The following HDGFL2 variants were observed in gnomAD, a reference collection of about 807,000 sequenced individuals.
HDGFL2 encodes hepatoma-derived growth factor-related protein 2.
In HDGFL2, 36 loss-of-function variants were observed where a neutral mutation model predicts 77.1. The ratio of observed to expected loss-of-function variants is 0.47; its 90% confidence interval spans 0.36 to 0.62. The LOEUF is 0.62. Among genes scored for constraint, HDGFL2 ranks in the 20% least tolerant of loss-of-function variants. The pLI is 0.00. For missense variants in HDGFL2, 976 were observed against 973.4 expected (o/e 1.00, Z -0.04); for synonymous variants, 463 against 413.1 (o/e 1.12, Z -1.46).
In HDGFL2 at chr19:4,502,077, GAGAGC is replaced by G. The variant is rs571731382; in HGVS notation, c.*77_*81del. On this transcript the variant is annotated 3_prime_UTR_variant, in exon 16 of 16. Coordinates refer to ENST00000616600, the MANE Select transcript of HDGFL2 (RefSeq NM_001001520.3). Reference sequence around the variant, plus strand: ...GCCCCTCTCCTTCCCCGGCTCGCAGGAGAGCAGAGCAGAGAACTGTGGGGAACGCT... The same window carrying G: ...GCCCCTCTCCTTCCCCGGCTCGCAGGAGAGCAGAGAACTGTGGGGAACGCT... The G allele has an allele frequency of 9.6e-6, 11 of 1,148,894 alleles. No homozygotes were observed. Among genetic ancestry groups the G allele is most frequent in the Admixed American group, 4.0e-5 (2 of 49,948 alleles). The allele number at this position is 1,148,894 out of a possible 1,614,324, so 71.2% of individuals were successfully genotyped here. A position where few individuals can be genotyped will look rare whatever the true frequency, so the allele number is the denominator to read the frequency against.
At chr19:4,478,057 G>A (rs1389516900) in intron 3 of HDGFL2, among the ~76,000 whole-genome samples, 12 of 141,760 alleles carry the variant, frequency 8.5e-5, no homozygotes, top group Admixed American at 1.5e-4. Context: ...TCCAGCCTGG[G>A]CAACAGAACG....
chr19:4,493,073 T>G (rs1975578742), intron 6 of HDGFL2, among the ~76,000 whole-genome samples: 2 of 76,002 alleles, frequency 2.6e-5, no homozygotes, highest in African/African-American at 6.4e-5. Context: ...TGTCTGTGTG[T>G]GGTGTGTGTG....
intron 4 of HDGFL2, among the ~76,000 whole-genome samples, chr19:4,489,656 C>T (rs1463367515): frequency 3.3e-5 from 5 of 151,624 alleles, no homozygotes; most frequent in African/African-American, 9.7e-5. Flanking sequence ...CCCGCTTCGG[C>T]CTCCCAAAGT....
intron 15 of HDGFL2, 149 bp downstream of exon 15, chr19:4,501,466 C>T (rs1481713249): frequency 3.3e-6 from 3 of 914,058 alleles, no homozygotes; most frequent in Non-Finnish European, 4.6e-6. Flanking sequence ...TCACAGCTGA[C>T]CCCAGGGCCC....
chr19:4,492,743 T>TGTC (rs574157375), intron 6 of HDGFL2, among the ~76,000 whole-genome samples: 11,548 of 142,756 alleles, frequency 0.081, 478 homozygotes, highest in African/African-American at 0.13. Flanking sequence ...GTATGTGTGT[T>TGTC]GGGTGTTTGT....
At chr19:4,501,857 AGGCAG>A in intron 15 of HDGFL2, 49 bp from the exon 16 acceptor site, 4 of 1,312,352 alleles carry the variant, frequency 3.0e-6, no homozygotes, top group Middle Eastern at 2.8e-4. Flanking sequence ...ACCGCCCTAC[AGGCAG>A]GGCAGGGGCG....
intron 6 of HDGFL2, among the ~76,000 whole-genome samples, chr19:4,492,377 G>A (rs1275874602): frequency 6.6e-6 from 1 of 151,720 alleles, no homozygotes; most frequent in Non-Finnish European, 1.5e-5. Flanking sequence ...CCCTGTGCCT[G>A]TATGCCTGTG....
chr19:4,487,401 C>T (rs1328040101), intron 3 of HDGFL2, among the ~76,000 whole-genome samples: 4 of 152,134 alleles, frequency 2.6e-5, no homozygotes, highest in Non-Finnish European at 5.9e-5. Flanking sequence ...GGACCGCAGG[C>T]CCACACCGCC....
intron 3 of HDGFL2, among the ~76,000 whole-genome samples, chr19:4,484,383 C>T (rs1383534637): frequency 2.0e-5 from 3 of 152,136 alleles, no homozygotes; most frequent in East Asian, 3.9e-4. Flanking sequence ...CACGCCCGGC[C>T]TGTTTTATTA....
In HDGFL2 at chr19:4,494,479, A is replaced by AGCCGGGAGGGC. The variant is rs1975648794; in HGVS notation, c.1224+13_1224+23dup. ...CGAGGCCGAGCTGGAGAGAGAGGTGAGCCGGGAGGGCGCCGGGAGTCCCTG... is the reference window on the plus strand; with the variant it reads ...CGAGGCCGAGCTGGAGAGAGAGGTGAGCCGGGAGGGCGCCGGGAGGGCGCCGGGAGTCCCTG... On this transcript the variant is annotated splice_donor_region_variant and intron_variant, in intron 9 of 15. Transcript: ENST00000616600. 1 of 1,378,314 alleles carries AGCCGGGAGGGC rather than the reference A, an allele frequency of 7.3e-7. No individual in the cohort carries two copies. Among genetic ancestry groups the AGCCGGGAGGGC allele is most frequent in the South Asian group, 1.7e-5 (1 of 57,536 alleles). The allele number at this position is 1,378,314 out of a possible 1,614,324, so 85.4% of individuals were successfully genotyped here.
At chr19:4,488,016 G>C (rs2145183436) in intron 3 of HDGFL2, among the ~76,000 whole-genome samples, 1 of 151,668 alleles carries the variant, frequency 6.6e-6, no homozygotes, top group Non-Finnish European at 1.5e-5. Context: ...TGTTGCCCAG[G>C]CTGGAGTGCA....
intron 9 of HDGFL2, 111 bp downstream of exon 9, chr19:4,494,586 G>A: frequency 2.5e-6 from 2 of 803,008 alleles, no homozygotes; most frequent in Non-Finnish European, 1.7e-6. Context: ...AAAGCAGTGC[G>A]TGGGCCCAGA....
intron 1 of HDGFL2, 84 bp downstream of exon 1, chr19:4,472,506 C>T (rs189053880): frequency 9.3e-6 from 5 of 537,322 alleles, no homozygotes; most frequent in Admixed American, 1.2e-4. Context: ...ACTGGAGGGC[C>T]GGGGTTGTCC....
intron 12 of HDGFL2, 75 bp from the exon 13 acceptor site, chr19:4,498,739 C>G (rs1975775764): frequency 3.2e-6 from 3 of 950,304 alleles, no homozygotes; most frequent in African/African-American, 1.6e-5. Context: ...ATGTCTTCCT[C>G]CACCCATCGG....
chr19:4,499,727 C>T lies in HDGFL2; in HGVS notation c.1789+23C>T, dbSNP rs1253594967. 3.3e-6 allele frequency: 5 copies of T among 1,500,458 alleles called. No homozygotes were observed. The Admixed American group carries it at 7.8e-5, about 23-fold the overall frequency. The allele number at this position is 1,500,458 out of a possible 1,614,324, so 92.9% of individuals were successfully genotyped here. The stretch of plus-strand genomic sequence containing the variant: ...CCGGTGAGGGGCGGGTGGGGTGGGC[C>T]CTGTACCTCAGTCTCCTCAGCTGAA... On this transcript the variant is annotated intron_variant, in intron 14 of 15. Transcript: ENST00000616600.
chr19:4,487,032 C>A (rs1000629146), intron 3 of HDGFL2, among the ~76,000 whole-genome samples: 2 of 151,660 alleles, frequency 1.3e-5, no homozygotes, highest in African/African-American at 4.8e-5. Context: ...GTGGTGTGAT[C>A]TCGGCTCACT....
Position 4,501,312 on chromosome 19 carries a change from G to A in HDGFL2, c.1911G>A (p.Leu637=). The A allele has an allele frequency of 6.3e-7, 1 of 1,597,714 alleles. No individual in the cohort carries two copies. The highest frequency in any genetic ancestry group is 8.5e-7 in the Non-Finnish European group (1 of 1,170,266). The change falls in exon 15 of 16, where the codon CTG becomes CTA. Residue 637 remains leucine, a synonymous_variant. Transcript: ENST00000616600. ...CAAGGTGTGGCTCCTCTGAAGACCT[G>A]CACGAGTGAGTGTCCCGGGCCGTGG... ...EGPRCGSSED[L]HDSVREGPDL... is the part of the protein sequence containing the mutation.
At chr19:4,499,036 G>A (rs937814612) in intron 13 of HDGFL2, 121 bp downstream of exon 13, 26 of 667,130 alleles carry the variant, frequency 3.9e-5, no homozygotes, top group Admixed American at 2.2e-4. Context: ...CGAGGAGGCC[G>A]TGGGCTGCTG....
At chr19:4,498,235 C>A (rs1278516364) in intron 11 of HDGFL2, 71 bp from the exon 12 acceptor site, 2 of 1,407,376 alleles carry the variant, frequency 1.4e-6, no homozygotes, top group Non-Finnish European at 1.0e-6. Context: ...GGCTCTCAGG[C>A]TCCTGCCCTT....
Sources: allele counts gnomAD v4.1 joint callset (sites outside exome capture counted in the v4.1 genomes callset), GRCh38; gene constraint gnomAD v4.1.1; transcripts MANE v1.5; gene names NCBI Gene and HGNC (gene_info 2026-07-23, HGNC 2026-07-21).